The following FCGR1A variants were observed in gnomAD, a reference collection of about 807,000 sequenced individuals.
FCGR1A encodes the protein Fc gamma receptor Ia.
Under a neutral mutation model 35.0 loss-of-function variants are expected in FCGR1A, and 13 were observed. The observed-to-expected ratio is 0.37, with a 90% CI of 0.24 to 0.59. The LOEUF is 0.59. Among genes scored for constraint, FCGR1A ranks in the 20% least tolerant of loss-of-function variants. The pLI is 0.71. For synonymous variants in FCGR1A, 91 were observed against 164.7 expected, an observed-to-expected ratio of 0.55 and a Z score of 3.43; for missense variants, 227 against 430.0, an observed-to-expected ratio of 0.53 and a Z score of 4.17.
At chr1:149,794,276 G>A (rs4578255), downstream of FCGR1A, among the ~76,000 whole-genome samples, 1,719 of 151,514 alleles carry the variant, frequency 0.011, 19 homozygotes, top group Non-Finnish European at 0.018. Flanking sequence ...GAAGGGGGGG[G>A]AACACGTAGA....
At chr1:149,788,320 G>T (rs1373131694) in intron 3 of FCGR1A, 46 bp from the exon 4 acceptor site, 9 of 1,611,692 alleles carry the variant, frequency 5.6e-6, no homozygotes, top group South Asian at 1.1e-5. Flanking sequence ...GGGCCTCCTT[G>T]TACCTCCTCC....
At position 149,784,123 on chromosome 1, in the gene FCGR1A, T is replaced by G; in HGVS notation, c.173T>G (p.Leu58Arg). The change falls in exon 3 of 6, where the codon CTC becomes CGC. Residue 58 changes from leucine (L) to arginine (R), a missense_variant. Transcript: ENST00000369168. The stretch of plus-strand genomic sequence containing the variant: ...GGGAGCAGCTCTACACAGTGGTTTC[T>G]CAATGGCACAGCCACTCAGACCTCG... ...LPGSSSTQWF[L>R]NGTATQTSTP... The G allele has an allele frequency of 6.2e-7, 1 of 1,611,858 alleles. No individual in the cohort carries two copies. The highest frequency in any genetic ancestry group is 1.1e-5 in the South Asian group (1 of 90,996).
At chr1:149,791,190 T>G in intron 5 of FCGR1A, 47 bp from the exon 6 acceptor site, 1 of 1,605,694 alleles carries the variant, frequency 6.2e-7, no homozygotes, top group Non-Finnish European at 8.5e-7. Flanking sequence ...GCTAGACCCC[T>G]CTGGTCTCTA....
chr1:149,785,362 T>G (rs2091513231), intron 3 of FCGR1A, among the ~76,000 whole-genome samples: 1 of 148,826 alleles, frequency 6.7e-6, no homozygotes, highest in Admixed American at 6.8e-5. Flanking sequence ...TCTCTGTAAA[T>G]AAGTTCTTAG....
chr1:149,796,602 A>G (rs1228743561), downstream of FCGR1A, among the ~76,000 whole-genome samples: 5 of 152,346 alleles, frequency 3.3e-5, no homozygotes, highest in African/African-American at 9.6e-5. Context: ...GTGACCAAAG[A>G]TTGTAAAATT....
chr1:149,793,207 A>G, downstream of FCGR1A: 1 of 1,277,246 alleles, frequency 7.8e-7, no homozygotes, highest in African/African-American at 1.6e-5. Flanking sequence ...CAGGCGCCCC[A>G]TTTTCTTGGC....
At chr1:149,788,902 G>A (rs2102050831) in intron 4 of FCGR1A, among the ~76,000 whole-genome samples, 1 of 151,974 alleles carries the variant, frequency 6.6e-6, no homozygotes, top group African/African-American at 2.4e-5. Flanking sequence ...CATTATTTTA[G>A]TTGTAAAGAA....
At chr1:149,788,160 G>A in intron 3 of FCGR1A, 1 of 782,158 alleles carries the variant, frequency 1.3e-6, no homozygotes, top group East Asian at 2.7e-5. Flanking sequence ...AGATAAGAAA[G>A]GGCTGTGTAC....
chr1:149,796,378 T>A (rs1231517813), downstream of FCGR1A, among the ~76,000 whole-genome samples: 2 of 152,204 alleles, frequency 1.3e-5, no homozygotes, highest in Admixed American at 1.3e-4. Flanking sequence ...ATTCCCCAAA[T>A]GTGGTATTCT....
At chr1:149,786,656 A>G (rs1376085340) in intron 3 of FCGR1A, 1 of 151,998 alleles carries the variant, frequency 6.6e-6, no homozygotes, top group Non-Finnish European at 1.5e-5. Flanking sequence ...TAGGGGAATG[A>G]TTGTTGAGTA....
downstream of FCGR1A, among the ~76,000 whole-genome samples, chr1:149,796,300 A>G (rs1553752772): frequency 6.6e-6 from 1 of 152,232 alleles, no homozygotes; most frequent in East Asian, 1.9e-4. Context: ...ATGGGAGTTA[A>G]TGGAGAAAGA....
Position 149,790,204 on chromosome 1 carries a change from G to C in FCGR1A, c.710G>C (p.Arg237Pro), listed in dbSNP as rs782812046. The C allele has an allele frequency of 6.2e-7, 1 of 1,613,714 alleles. No homozygotes were observed. The highest frequency in any genetic ancestry group is 8.5e-7 in the Non-Finnish European group (1 of 1,179,768). Reference protein sequence around the residue: ...FSFYMGSKTLRGRNTSSEYQI... With the variant: ...FSFYMGSKTLPGRNTSSEYQI... ...TTCTACATGGGCAGCAAGACCCTGC[G>C]AGGCAGGAACACATCCTCTGAATAC... Residue 237 changes from arginine (R) to proline (P), a missense_variant, in exon 5 of 6, where the codon CGA becomes CCA. By Grantham distance (103) the Arg-to-Pro change is moderately radical (BLOSUM62 -2). Coordinates refer to ENST00000369168, the MANE Select transcript of FCGR1A (RefSeq NM_000566.4).
At chr1:149,799,702 C>T in the FCGR1A span, among the ~76,000 whole-genome samples, 13 of 152,300 alleles carry the variant, frequency 8.5e-5, no homozygotes, top group African/African-American at 3.1e-4. Context: ...GAGTTTGGAA[C>T]ATCTGGATCT....
intron 3 of FCGR1A, chr1:149,787,406 CGAAAG>C: frequency 6.6e-6 from 1 of 152,194 alleles, no homozygotes; most frequent in Admixed American, 6.5e-5. Context: ...AGGTGTATGT[CGAAAG>C]GAAAAGCCCA....
rs782603965 is a variant in FCGR1A, at chr1:149,784,045, G to A, written c.95G>A (p.Ser32Asn). Reference sequence around the variant, plus strand: ...ATCACTTTGCAGCCTCCATGGGTCAGCGTGTTCCAAGAGGAAACCGTAACC... The same window carrying A: ...ATCACTTTGCAGCCTCCATGGGTCAACGTGTTCCAAGAGGAAACCGTAACC... ...AVITLQPPWV[S>N]VFQEETVTLH... The change falls in exon 3 of 6, where the codon AGC (serine) becomes AAC (asparagine). Residue 32 changes from serine (S) to asparagine (N), a missense_variant. By Grantham distance (46) the Ser-to-Asn change is conservative. Transcript: ENST00000369168. The A allele has an allele frequency of 1.2e-6, 2 of 1,610,028 alleles. No individual in the cohort carries two copies. The highest frequency in any genetic ancestry group is 1.7e-5 in the Admixed American group (1 of 59,798).
chr1:149,800,244 C>T, the FCGR1A span, among the ~76,000 whole-genome samples: 1 of 152,222 alleles, frequency 6.6e-6, no homozygotes, highest in Non-Finnish European at 1.5e-5. Context: ...ACTGGGTGCG[C>T]CGCCCTTCAG....
At chr1:149,797,489 T>C in the FCGR1A span, among the ~76,000 whole-genome samples, 3 of 152,174 alleles carry the variant, frequency 2.0e-5, no homozygotes, top group Non-Finnish European at 4.4e-5. Context: ...CGGTGTTTGG[T>C]TTTATAAATT....
In FCGR1A at chr1:149,789,329, C is replaced by T. The variant is rs2091638638; in HGVS notation, c.559+712C>T. Among the ~76,000 whole-genome samples the T allele has an allele frequency of 4.6e-5, 7 of 152,182 alleles. No homozygotes were observed. The South Asian group carries it at 1.5e-3, about 32-fold the overall frequency. ...AATAGCATGAACCCGGGAAGCGGAG[C>T]TTGCAGTGAGCTGAGATAGCGCCAC... On this transcript the variant is annotated intron_variant, in intron 4 of 5. Coordinates refer to ENST00000369168, the MANE Select transcript of FCGR1A (RefSeq NM_000566.4).
At chr1:149,793,897 T>C (rs189462994), downstream of FCGR1A, 68 of 1,286,400 alleles carry the variant, frequency 5.3e-5, no homozygotes, top group African/African-American at 8.7e-4. Flanking sequence ...TTGGGTCCAT[T>C]CTGGATCTTT....
Sources: allele counts gnomAD v4.1 joint callset (sites outside exome capture counted in the v4.1 genomes callset), GRCh38; gene constraint gnomAD v4.1.1; transcripts MANE v1.5; gene names NCBI Gene and HGNC (gene_info 2026-07-23, HGNC 2026-07-21).